The following CUX2 variants were observed in gnomAD, a reference collection of about 807,000 sequenced individuals.
CUX2 encodes the protein cut like homeobox 2.
In CUX2, 40 loss-of-function variants were observed where a neutral mutation model predicts 144.8. The ratio of observed to expected loss-of-function variants is 0.28; its 90% CI spans 0.21 to 0.36. The LOEUF (loss-of-function observed/expected upper bound fraction) is 0.36, where lower values mean the gene tolerates loss of function less well. CUX2 is among the 10% of genes least tolerant of loss of function. CUX2 has a pLI of 1.00. For missense variants in CUX2, 1,615 were observed against 1,994.0 expected, an observed-to-expected ratio of 0.81 and a Z score of 3.62; for synonymous variants, 827 against 875.6, an observed-to-expected ratio of 0.94 and a Z score of 0.98.
chr12:111,309,447 G>A (rs1397266902), intron 14 of CUX2, among the ~76,000 whole-genome samples: 1 of 152,186 alleles, frequency 6.6e-6, no homozygotes, highest in African/African-American at 2.4e-5. Flanking sequence ...GGTGATGGGG[G>A]TGGGGCGCTC....
chr12:111,246,596 C>T lies in CUX2; in HGVS notation c.223-17165C>T, dbSNP rs1383230993. Among the ~76,000 whole-genome samples, 3 of 152,200 alleles carry T rather than the reference C, an allele frequency of 2.0e-5. No homozygotes were observed. The highest frequency in any genetic ancestry group is 2.0e-4 in the Admixed American group (3 of 15,280). On this transcript the variant is annotated intron_variant, in intron 3 of 21. Coordinates refer to ENST00000261726, the MANE Select transcript of CUX2 (RefSeq NM_015267.4). This position sits in a 1 kb window ranked among gnomAD's most constrained non-coding sequence, Gnocchi z 4.0. The stretch of plus-strand genomic sequence containing the variant: ...AAATCTCCGGATTCTTAAAGATTGG[C>T]TAACATCAATCATTTTTAAAACCTG...
At chr12:111,126,308 C>T (rs4433634) in intron 1 of CUX2, among the ~76,000 whole-genome samples, 5,234 of 152,100 alleles carry the variant, frequency 0.034, 301 homozygotes, top group African/African-American at 0.12. Flanking sequence ...GGGGTTTCAC[C>T]ATGTTGGCCA....
chr12:111,203,607 G>C (rs1478220111), intron 1 of CUX2, among the ~76,000 whole-genome samples: 1 of 152,072 alleles, frequency 6.6e-6, no homozygotes, highest in East Asian at 1.9e-4. Flanking sequence ...GGAGCAGAGT[G>C]GGCCGGAGGG....
chr12:111,213,501 T>C (rs995617191), intron 1 of CUX2, among the ~76,000 whole-genome samples: 1 of 152,218 alleles, frequency 6.6e-6, no homozygotes, highest in Non-Finnish European at 1.5e-5. Flanking sequence ...CTTCCTTGCA[T>C]ATAAGCCAGC....
chr12:111,065,587 T>C (rs1870985082), intron 1 of CUX2, among the ~76,000 whole-genome samples: 1 of 152,216 alleles, frequency 6.6e-6, no homozygotes, highest in African/African-American at 2.4e-5. Context: ...CCACCAGCCT[T>C]GACCTCCCAA....
intron 1 of CUX2, among the ~76,000 whole-genome samples, chr12:111,213,228 G>A (rs1008057272): frequency 2.0e-5 from 3 of 152,182 alleles, no homozygotes; most frequent in East Asian, 1.9e-4. Context: ...AGCCCATCTC[G>A]GGATGGTGCA....
At chr12:111,156,985 CAA>C (rs1200398908) in intron 1 of CUX2, among the ~76,000 whole-genome samples, 5 of 18,992 alleles carry the variant, frequency 2.6e-4, no homozygotes, top group Admixed American at 1.3e-3. Flanking sequence ...AAACTTCTCT[CAA>C]AAAAAAAAAA....
chr12:111,304,079 C>A lies in CUX2; in HGVS notation c.754-131C>A, dbSNP rs533757024. 2.4e-5 allele frequency: 16 copies of A among 671,370 alleles called. No homozygotes were observed. In the East Asian group the frequency reaches 4.1e-4, roughly 17 times the overall value. The allele number at this position is 671,370 out of a possible 1,614,324, so 41.6% of individuals were successfully genotyped here. ...GGTCTTCATAGCTCCAGGACAGGGT[C>A]CGGGACTAGGAAGGCAGGACCTGAG... On this transcript the variant is annotated intron_variant, in intron 9 of 21. Transcript: ENST00000261726. The surrounding 1 kb of genome is among the most constrained non-coding windows in gnomAD (Gnocchi z 4.7).
chr12:111,201,944 G>A (rs577871260), intron 1 of CUX2, among the ~76,000 whole-genome samples: 14 of 152,266 alleles, frequency 9.2e-5, no homozygotes, highest in East Asian at 1.9e-4. Flanking sequence ...TCAGGGACTC[G>A]TTTTCCCAGC....
chr12:111,286,086 C>G (rs1885363537), intron 4 of CUX2, among the ~76,000 whole-genome samples: 1 of 152,222 alleles, frequency 6.6e-6, no homozygotes, highest in Non-Finnish European at 1.5e-5. Context: ...TTATTAGACT[C>G]TGGGTCTCTG....
chr12:111,101,995 T>C (rs967636603), intron 1 of CUX2, among the ~76,000 whole-genome samples: 2 of 152,236 alleles, frequency 1.3e-5, no homozygotes, highest in African/African-American at 4.8e-5. Context: ...TTATTGTTAT[T>C]TCTGGAACGC....
At chr12:111,252,825 A>C (rs1446767387) in intron 3 of CUX2, among the ~76,000 whole-genome samples, 1 of 150,130 alleles carries the variant, frequency 6.7e-6, no homozygotes. Context: ...AATTTGGGAG[A>C]CTGAGGCAGG....
rs115269721 is a variant in CUX2 at position 111,241,605 on chromosome 12, A to G, written c.223-22156A>G. Among the ~76,000 whole-genome samples, 951 of 152,294 alleles carry G rather than the reference A, an allele frequency of 6.2e-3. 8 individuals are homozygous for G. Among genetic ancestry groups the G allele is most frequent in the African/African-American group, 0.021 (863 of 41,568 alleles). On this transcript the variant is annotated intron_variant, in intron 3 of 21. Coordinates refer to ENST00000261726, the MANE Select transcript of CUX2 (RefSeq NM_015267.4). ...GGGAGCACCTGCTCCAAGGAGCCCT[A>G]CTCCAACAGTTGAGAGTTAATTTTC...
rs116795369 is a variant in CUX2 at position 111,338,519 on chromosome 12, T to G, written c.3385+45T>G. The G allele has an allele frequency of 1.2e-3, 1,791 of 1,554,116 alleles. 17 individuals are homozygous for G. The African/African-American group carries it at 0.022, about 19-fold the overall frequency. On this transcript the variant is annotated intron_variant, in intron 20 of 21. Coordinates refer to ENST00000261726, the MANE Select transcript of CUX2 (RefSeq NM_015267.4). ...TGGGCCCCAGCACTGGGTCTCAGAT[T>G]TTCCCCAGAACCATATCTAGCTGTA...
chr12:111,252,512 C>T (rs1360161672), intron 3 of CUX2, among the ~76,000 whole-genome samples: 1 of 152,110 alleles, frequency 6.6e-6, no homozygotes, highest in Non-Finnish European at 1.5e-5. Flanking sequence ...CAAGAGGTCT[C>T]CACAGAGCAG....
At chr12:111,127,909 A>G (rs774586109) in intron 1 of CUX2, among the ~76,000 whole-genome samples, 93 of 152,310 alleles carry the variant, frequency 6.1e-4, no homozygotes, top group South Asian at 8.3e-4. Flanking sequence ...CTTATTCACT[A>G]TCACAGTATG....
chr12:111,323,272 A>G (rs1887624661), intron 18 of CUX2, among the ~76,000 whole-genome samples: 2 of 152,248 alleles, frequency 1.3e-5, no homozygotes, highest in Non-Finnish European at 2.9e-5. Context: ...CCCTGAGTCC[A>G]AGGATCTGAG....
At chr12:111,213,805 C>G (rs759373598) in intron 1 of CUX2, among the ~76,000 whole-genome samples, 1 of 151,934 alleles carries the variant, frequency 6.6e-6, no homozygotes, top group Admixed American at 6.6e-5. Context: ...TACAATATGC[C>G]GCACTTTACT....
intron 1 of CUX2, among the ~76,000 whole-genome samples, chr12:111,196,716 A>G (rs989766132): frequency 1.3e-5 from 2 of 152,224 alleles, no homozygotes; most frequent in Non-Finnish European, 2.9e-5. Flanking sequence ...TACTGAGCAC[A>G]TGACTATGGC....
Sources: gnomAD v4.1 joint callset for allele counts (sites outside exome capture counted in the v4.1 genomes callset) on GRCh38, gnomAD v4.1.1 for gene constraint, Gnocchi (gnomAD v3.1) non-coding constraint, MANE v1.5 for transcripts, NCBI Gene and HGNC (gene_info 2026-07-23, HGNC 2026-07-21) for gene names.